DACH2: variants seen among roughly 807,000 people sequenced by gnomAD.
The protein encoded by DACH2 is dachshund family transcription factor 2, also known as dachshund homolog 2.
DACH2 carries 17 observed loss-of-function variants against 35.8 expected under a neutral mutation model. The ratio of observed to expected loss-of-function variants is 0.48; its 90% CI spans 0.33 to 0.71. The LOEUF is 0.71. Among genes scored for constraint, DACH2 ranks in the 30% least tolerant of loss-of-function variants. DACH2 has a pLI of 0.02. For synonymous variants in DACH2, 195 were observed against 177.3 expected (o/e 1.10, Z -0.79); for missense variants, 469 against 472.7 (o/e 0.99, Z 0.07).
At chrX:86,471,834 T>C (rs2037765618) in intron 2 of DACH2, among the ~76,000 whole-genome samples, 1 of 111,705 alleles carries the variant, frequency 9.0e-6, no homozygotes, top group Non-Finnish European at 1.9e-5. Context: ...CTGTACTTAA[T>C]AACCACCTAT....
chrX:86,476,565 G>C lies in DACH2; in HGVS notation c.528-37714G>C, dbSNP rs72633154. ...TTTTTGTTAGTTAGTTTGGTTAAAG[G>C]TTTGTCAGTTTTGGTTAACTTTTCA... On this transcript the variant is annotated intron_variant, in intron 2 of 11. Transcript: ENST00000373125. Among the ~76,000 whole-genome samples, 7 of 110,935 alleles carry C rather than the reference G, an allele frequency of 6.3e-5. No individual in the cohort carries two copies. In the East Asian group the frequency reaches 2.0e-3, roughly 32 times the overall value.
intron 2 of DACH2, among the ~76,000 whole-genome samples, chrX:86,482,275 T>G (rs886412379): frequency 8.9e-6 from 1 of 112,405 alleles, no homozygotes; most frequent in Admixed American, 9.5e-5. Context: ...TTTATGCAAT[T>G]ATAAATTTTC....
chrX:86,796,343 C>A (rs987128165), intron 7 of DACH2, among the ~76,000 whole-genome samples: 2 of 111,225 alleles, frequency 1.8e-5, no homozygotes, highest in African/African-American at 6.6e-5. Context: ...ACAGAGCGCT[C>A]CTTGGTGTGT....
rs139091417 is a variant in DACH2, at chrX:86,357,496, G to A, written c.489-19328G>A. ...AAACATAAGAAACATAGAGATAAATGTATTCCTTACATAAGCTAGTGTAAC... is the reference window on the plus strand; with the variant it reads ...AAACATAAGAAACATAGAGATAAATATATTCCTTACATAAGCTAGTGTAAC... On this transcript the variant is annotated intron_variant, in intron 1 of 11. Transcript: ENST00000373125. Among the ~76,000 whole-genome samples the A allele has an allele frequency of 4.2e-4, 47 of 112,081 alleles. 2 individuals are homozygous for A. In the East Asian group the frequency reaches 0.013, roughly 30 times the overall value.
At chrX:86,500,426 C>T (rs906199241) in intron 2 of DACH2, among the ~76,000 whole-genome samples, 8 of 111,706 alleles carry the variant, frequency 7.2e-5, no homozygotes, top group Admixed American at 2.9e-4. Flanking sequence ...ATATGACATA[C>T]TTCCCTAAGG....
At chrX:86,708,280 C>A (rs767250055) in intron 5 of DACH2, among the ~76,000 whole-genome samples, 1 of 109,776 alleles carries the variant, frequency 9.1e-6, no homozygotes, top group Non-Finnish European at 1.9e-5. Context: ...ATACTGGAGG[C>A]CTTAGTTGGT....
chrX:86,626,388 G>A, intron 3 of DACH2, among the ~76,000 whole-genome samples: 1 of 112,712 alleles, frequency 8.9e-6, no homozygotes, highest in East Asian at 2.8e-4. Context: ...TCATGGGCTG[G>A]TGTTGAGTGT....
intron 3 of DACH2, among the ~76,000 whole-genome samples, chrX:86,556,592 A>G (rs67188922): frequency 0.091 from 9,687 of 106,706 alleles, 379 homozygotes; most frequent in East Asian, 0.24. Flanking sequence ...TCCTTGATGC[A>G]CCTTTAGCCA....
intron 2 of DACH2, among the ~76,000 whole-genome samples, chrX:86,430,585 C>T (rs779752385): frequency 2.7e-5 from 3 of 112,220 alleles, no homozygotes; most frequent in South Asian, 7.3e-4. Flanking sequence ...GTGGGTACAA[C>T]GTAGGCACTG....
intron 1 of DACH2, among the ~76,000 whole-genome samples, chrX:86,234,431 T>A (rs989187814): frequency 2.7e-5 from 3 of 111,076 alleles, no homozygotes; most frequent in African/African-American, 9.8e-5. Flanking sequence ...ATTACACTGG[T>A]CACCCCCAAC....
At chrX:86,797,710 C>T (rs970039706) in intron 7 of DACH2, among the ~76,000 whole-genome samples, 1 of 111,313 alleles carries the variant, frequency 9.0e-6, no homozygotes, top group Non-Finnish European at 1.9e-5. Context: ...GCTGTTTTAA[C>T]CTGTAGATAT....
intron 1 of DACH2, among the ~76,000 whole-genome samples, chrX:86,368,549 ACTTT>A (rs2148091383): frequency 1.1e-5 from 1 of 94,968 alleles, no homozygotes; most frequent in South Asian, 5.7e-4. Context: ...CAATATTTTT[ACTTT>A]CTTTCTTCTT....
chrX:86,441,916 T>C (rs1212472038), intron 2 of DACH2, among the ~76,000 whole-genome samples: 1 of 107,850 alleles, frequency 9.3e-6, no homozygotes, highest in African/African-American at 3.4e-5. Context: ...AGGGTCTTGC[T>C]CTGTTGTGCA....
intron 5 of DACH2, among the ~76,000 whole-genome samples, chrX:86,699,974 G>T (rs1372673209): frequency 9.0e-6 from 1 of 111,378 alleles, no homozygotes; most frequent in Non-Finnish European, 1.9e-5. Flanking sequence ...AAGTCATTTG[G>T]GAGCAGGTTG....
intron 1 of DACH2, among the ~76,000 whole-genome samples, chrX:86,225,667 G>C (rs1462817433): frequency 9.0e-6 from 1 of 110,905 alleles, no homozygotes; most frequent in Non-Finnish European, 1.9e-5. Context: ...GACCCATCTT[G>C]ATAACAACAG....
At chrX:86,510,655 C>T (rs1280325019) in intron 2 of DACH2, among the ~76,000 whole-genome samples, 2 of 110,981 alleles carry the variant, frequency 1.8e-5, no homozygotes, top group Admixed American at 1.9e-4. Context: ...AGAAATATTA[C>T]ACTTAATGTG....
At chrX:86,431,389 G>C (rs1364824797) in intron 2 of DACH2, among the ~76,000 whole-genome samples, 1 of 111,869 alleles carries the variant, frequency 8.9e-6, no homozygotes, top group Non-Finnish European at 1.9e-5. Context: ...ATCTTACTTA[G>C]AAGGCTGTGT....
rs188426490 is a variant in DACH2, at chrX:86,758,479, A to G, written c.1240+18597A>G. 9.0e-5 allele frequency among the ~76,000 whole-genome samples: 10 copies of G among 111,688 alleles called. No individual in the cohort carries two copies. In the East Asian group the frequency reaches 2.8e-3, roughly 31 times the overall value. On this transcript the variant is annotated intron_variant, in intron 7 of 11. Coordinates refer to ENST00000373125, the MANE Select transcript of DACH2 (RefSeq NM_053281.3). Reference sequence around the variant, plus strand: ...AATTTCCTCCTTAATTTCTTTCTCGACCCAATTGACATTCAGGAGCATGTT... The same window carrying G: ...AATTTCCTCCTTAATTTCTTTCTCGGCCCAATTGACATTCAGGAGCATGTT...
chrX:86,775,847 T>A (rs1475050045), intron 7 of DACH2, among the ~76,000 whole-genome samples: 2 of 112,029 alleles, frequency 1.8e-5, no homozygotes, highest in Non-Finnish European at 3.8e-5. Flanking sequence ...GGGCCAGGTA[T>A]GGCTCTAAGG....
Sources: allele counts gnomAD v4.1 joint callset (sites outside exome capture counted in the v4.1 genomes callset), GRCh38; gene constraint gnomAD v4.1.1; transcripts MANE v1.5; gene names NCBI Gene and HGNC (gene_info 2026-07-23, HGNC 2026-07-21).